Variants in EPHB1 observed in about 807,000 individuals in gnomAD.
EPHB1 encodes ephrin type-B receptor 1.
In EPHB1, 30 loss-of-function variants were observed where a neutral mutation model predicts 94.4. The ratio of observed to expected loss-of-function variants is 0.32; its 90% confidence interval spans 0.24 to 0.43. The LOEUF (loss-of-function observed/expected upper bound fraction) is 0.43, where lower values mean the gene tolerates loss of function less well. EPHB1 is among the 20% of genes least tolerant of loss of function. The pLI, the probability that EPHB1 is intolerant of heterozygous loss-of-function variation, is 1.00. For missense variants in EPHB1, 1,055 were observed against 1,308.3 expected (o/e 0.81, Z 2.99); for synonymous variants, 522 against 489.1 (o/e 1.07, Z -0.89).
intron 2 of EPHB1, among the ~76,000 whole-genome samples, chr3:134,931,254 C>A (rs1288661077): frequency 6.6e-6 from 1 of 152,210 alleles, no homozygotes; most frequent in Non-Finnish European, 1.5e-5. Context: ...GAAGAAAGTC[C>A]CTGTTGCTTT....
intron 1 of EPHB1, among the ~76,000 whole-genome samples, chr3:134,824,254 A>C (rs2036435609): frequency 6.6e-6 from 1 of 151,080 alleles, no homozygotes; most frequent in African/African-American, 2.4e-5. Flanking sequence ...TGGAGATGAC[A>C]ATGAGGCGGA....
At position 134,949,565 on chromosome 3, in the gene EPHB1, T is replaced by A. The variant is rs116857010; in HGVS notation, c.124-1806T>A. Among the ~76,000 whole-genome samples, 98 of 152,292 alleles carry A rather than the reference T, an allele frequency of 6.4e-4. No homozygotes were observed. In the East Asian group the frequency reaches 0.017, roughly 26 times the overall value. ...CATGCACACATAATTGGCTTTTAGC[T>A]CTGTTAATGAAGAATTCTAGTCTAT... is the stretch of plus-strand genomic sequence containing the variant. On this transcript the variant is annotated intron_variant, in intron 2 of 15. Transcript: ENST00000398015.
intron 5 of EPHB1, among the ~76,000 whole-genome samples, chr3:135,153,763 G>A (rs1053365615): frequency 2.0e-5 from 3 of 152,142 alleles, no homozygotes; most frequent in African/African-American, 7.2e-5. Context: ...CAATAGCTCA[G>A]CCCACAACTG....
chr3:135,146,683 C>G (rs1266117544), intron 5 of EPHB1, among the ~76,000 whole-genome samples: 1 of 152,230 alleles, frequency 6.6e-6, no homozygotes, highest in East Asian at 1.9e-4. Flanking sequence ...GCTAGCTTCC[C>G]CTTTCTCCAA....
At chr3:135,182,038 G>A (rs1049161135) in intron 10 of EPHB1, among the ~76,000 whole-genome samples, 3 of 152,184 alleles carry the variant, frequency 2.0e-5, no homozygotes, top group Non-Finnish European at 2.9e-5. Flanking sequence ...ATCCCAGAGC[G>A]AATCCTTGTG....
At chr3:134,898,603 G>T (rs1305083304) in intron 1 of EPHB1, among the ~76,000 whole-genome samples, 2 of 152,224 alleles carry the variant, frequency 1.3e-5, no homozygotes, top group Admixed American at 1.3e-4. Flanking sequence ...ACAATCTGTA[G>T]TCTGGAAGCA....
intron 3 of EPHB1, among the ~76,000 whole-genome samples, chr3:135,093,170 G>A (rs1938619520): frequency 6.6e-6 from 1 of 152,200 alleles, no homozygotes; most frequent in South Asian, 2.1e-4. Flanking sequence ...AAGGAAAAGA[G>A]CTCATCCTTC....
At chr3:134,937,915 T>TC (rs1441886861) in intron 2 of EPHB1, among the ~76,000 whole-genome samples, 1 of 149,532 alleles carries the variant, frequency 6.7e-6, no homozygotes, top group African/African-American at 2.5e-5. Context: ...TTCCCTCCTT[T>TC]TTTTTTTTTT....
At chr3:134,846,367 T>G (rs1017567251) in intron 1 of EPHB1, among the ~76,000 whole-genome samples, 10 of 152,226 alleles carry the variant, frequency 6.6e-5, no homozygotes, top group Non-Finnish European at 1.3e-4. Flanking sequence ...GGAGGAATGT[T>G]AGTGCAGCCC....
At chr3:134,946,013 G>C (rs2039210220) in intron 2 of EPHB1, among the ~76,000 whole-genome samples, 1 of 152,230 alleles carries the variant, frequency 6.6e-6, no homozygotes, top group African/African-American at 2.4e-5. Context: ...AAGCCTTGTT[G>C]GCGAGGCAGG....
intron 1 of EPHB1, among the ~76,000 whole-genome samples, chr3:134,889,508 G>T (rs556824775): frequency 2.6e-5 from 4 of 151,614 alleles, no homozygotes; most frequent in African/African-American, 9.7e-5. Flanking sequence ...AAATAATGGG[G>T]GTATTTCTAA....
intron 1 of EPHB1, among the ~76,000 whole-genome samples, chr3:134,924,183 G>C (rs2038744297): frequency 6.6e-6 from 1 of 152,188 alleles, no homozygotes; most frequent in Non-Finnish European, 1.5e-5. Context: ...TTGTGACCTT[G>C]GGTTAGGCAA....
chr3:135,176,047 T>TC (rs1941969963), intron 9 of EPHB1, among the ~76,000 whole-genome samples: 2 of 152,060 alleles, frequency 1.3e-5, no homozygotes, highest in Non-Finnish European at 1.5e-5. Flanking sequence ...GGCTTTTTTT[T>TC]CCCCTCATCA....
chr3:135,168,447 G>A (rs1941710419), intron 9 of EPHB1, among the ~76,000 whole-genome samples: 1 of 152,226 alleles, frequency 6.6e-6, no homozygotes, highest in Non-Finnish European at 1.5e-5. Context: ...CAACCCTGCT[G>A]TGTTCTCTTT....
intron 4 of EPHB1, among the ~76,000 whole-genome samples, chr3:135,112,681 T>G (rs1371113650): frequency 3.3e-5 from 5 of 151,710 alleles, no homozygotes; most frequent in Non-Finnish European, 7.4e-5. Flanking sequence ...AGAATGATGG[T>G]TTCCAGTTTC....
At chr3:135,222,473 C>T (rs1303582085) in intron 12 of EPHB1, among the ~76,000 whole-genome samples, 3 of 152,116 alleles carry the variant, frequency 2.0e-5, no homozygotes, top group African/African-American at 4.8e-5. Flanking sequence ...AATAGGGGCA[C>T]GCTTTCTTCC....
At chr3:135,100,029 G>A (rs1344725264) in intron 3 of EPHB1, among the ~76,000 whole-genome samples, 1 of 152,118 alleles carries the variant, frequency 6.6e-6, no homozygotes, top group Non-Finnish European at 1.5e-5. Flanking sequence ...CTTAAGCAGG[G>A]GATGAATATT....
intron 11 of EPHB1, among the ~76,000 whole-genome samples, chr3:135,195,132 C>A (rs1002003892): frequency 5.3e-5 from 8 of 152,076 alleles, no homozygotes; most frequent in Admixed American, 5.2e-4. Flanking sequence ...TTTTCTGGAA[C>A]CACTGTCAAG....
chr3:135,166,011 T>C lies in EPHB1; in HGVS notation c.1629T>C (p.Ala543=), dbSNP rs978852551. The change falls in exon 8 of 16, where the codon GCT becomes GCC. Residue 543 remains alanine, a synonymous_variant. Coordinates refer to ENST00000398015, the MANE Select transcript of EPHB1 (RefSeq NM_004441.5). ...SELREQLPLI[A]GSAAAGVVFV... is the part of the protein sequence containing the mutation. ...TGAGGGAGCAGCTGCCCCTGATTGCTGGCTCGGCAGCGGCCGGGGTCGTGT... is the reference window on the plus strand; with the variant it reads ...TGAGGGAGCAGCTGCCCCTGATTGCCGGCTCGGCAGCGGCCGGGGTCGTGT... 5 of 1,614,022 alleles carry C rather than the reference T, an allele frequency of 3.1e-6. No homozygotes were observed. Among genetic ancestry groups the C allele is most frequent in the Non-Finnish European group, 4.2e-6 (5 of 1,179,868 alleles).
Sources: gnomAD v4.1 joint callset for allele counts (sites outside exome capture counted in the v4.1 genomes callset) on GRCh38, gnomAD v4.1.1 for gene constraint, MANE v1.5 for transcripts, NCBI Gene and HGNC (gene_info 2026-07-23, HGNC 2026-07-21) for gene names.